Variants in MAML2 observed in about 807,000 individuals in gnomAD.
The protein encoded by MAML2 is mastermind-like protein 2.
MAML2 carries 22 observed loss-of-function variants against 96.1 expected under a neutral mutation model. That is an observed-to-expected ratio of 0.23 (90% CI 0.16 to 0.33). The LOEUF is 0.33. MAML2 is among the 10% of genes least tolerant of loss of function. The pLI is 1.00. For missense variants in MAML2, 1,367 were observed against 1,392.4 expected (o/e 0.98, Z 0.29); for synonymous variants, 561 against 521.3 (o/e 1.08, Z -1.04).
At chr11:96,006,870 T>TACACACACAC (rs1491217661) in intron 2 of MAML2, among the ~76,000 whole-genome samples, 3 of 109,806 alleles carry the variant, frequency 2.7e-5, no homozygotes, top group Admixed American at 9.9e-5. Flanking sequence ...AGGAATATCT[T>TACACACACAC]ATACACACAC....
intron 1 of MAML2, among the ~76,000 whole-genome samples, chr11:96,268,852 T>G (rs746100541): frequency 6.9e-6 from 1 of 145,038 alleles, no homozygotes; most frequent in Non-Finnish European, 1.5e-5. Context: ...TCCCTCACTA[T>G]GCAGAACTGT....
intron 2 of MAML2, among the ~76,000 whole-genome samples, chr11:96,040,533 G>A (rs1478800350): frequency 2.0e-5 from 3 of 152,156 alleles, no homozygotes; most frequent in Admixed American, 2.0e-4. Flanking sequence ...TTGGGAGGCC[G>A]AGGCGGGTGG....
rs147628813 is a variant in MAML2 at position 96,018,087 on chromosome 11, T to A, written c.2140-26364A>T. The stretch of plus-strand genomic sequence containing the variant: ...GGGCCAGAGTGGTAGCAGTGGGAAG[T>A]GGCTGGATTCCACATAGTCTCTGAC... On this transcript the variant is annotated intron_variant, in intron 2 of 4. Coordinates refer to ENST00000524717, the MANE Select transcript of MAML2 (RefSeq NM_032427.4). Among the ~76,000 whole-genome samples the A allele has an allele frequency of 9.8e-5, 15 of 152,304 alleles. 1 individual carries two copies. The East Asian group carries it at 2.9e-3, about 29-fold the overall frequency.
At chr11:96,188,183 G>A (rs1286852347) in intron 1 of MAML2, among the ~76,000 whole-genome samples, 1 of 152,214 alleles carries the variant, frequency 6.6e-6, no homozygotes, top group Non-Finnish European at 1.5e-5. Flanking sequence ...TTTGTGCTTT[G>A]AAACAAGCAC....
chr11:96,251,244 C>CTCATCCCTAGAATT (rs1482433838), intron 1 of MAML2, among the ~76,000 whole-genome samples: 5 of 152,204 alleles, frequency 3.3e-5, no homozygotes, highest in Non-Finnish European at 7.3e-5. Context: ...CATGAGGCCT[C>CTCATCCCTAGAATT]TCATCCCTAG....
At chr11:96,214,254 C>G (rs1030059537) in intron 1 of MAML2, among the ~76,000 whole-genome samples, 10 of 152,124 alleles carry the variant, frequency 6.6e-5, no homozygotes, top group African/African-American at 2.4e-4. Context: ...GAGGCCATGC[C>G]TAGGTTATTC....
intron 1 of MAML2, among the ~76,000 whole-genome samples, chr11:96,312,610 A>G (rs749308803): frequency 1.3e-5 from 2 of 152,260 alleles, no homozygotes; most frequent in African/African-American, 4.8e-5. Flanking sequence ...CCCTCTAGGA[A>G]GTATGAGGCA....
intron 1 of MAML2, among the ~76,000 whole-genome samples, chr11:96,239,136 A>G (rs1323865714): frequency 6.6e-6 from 1 of 152,236 alleles, no homozygotes; most frequent in African/African-American, 2.4e-5. Flanking sequence ...AAACTTTAAC[A>G]TGATGATACA....
chr11:96,274,160 G>A (rs1478423433), intron 1 of MAML2, among the ~76,000 whole-genome samples: 2 of 140,606 alleles, frequency 1.4e-5, no homozygotes, highest in Admixed American at 7.7e-5. Flanking sequence ...TTGGCTCACT[G>A]CAAGCTCCGC....
intron 1 of MAML2, among the ~76,000 whole-genome samples, chr11:96,150,541 C>G (rs1591041105): frequency 6.6e-6 from 1 of 152,128 alleles, no homozygotes; most frequent in Admixed American, 6.5e-5. Flanking sequence ...GACAGACAGC[C>G]TGGCAACTCT....
intron 1 of MAML2, among the ~76,000 whole-genome samples, chr11:96,174,535 C>T (rs1041084474): frequency 1.2e-4 from 18 of 152,200 alleles, no homozygotes; most frequent in Non-Finnish European, 2.4e-4. Context: ...AGGCACCCGC[C>T]GCCATGCCCA....
At chr11:96,248,872 C>T (rs1862546793) in intron 1 of MAML2, among the ~76,000 whole-genome samples, 1 of 152,152 alleles carries the variant, frequency 6.6e-6, no homozygotes, top group South Asian at 2.1e-4. Flanking sequence ...GCGCAACTAG[C>T]AGAAGCTAAT....
At chr11:96,220,258 A>G (rs1417082354) in intron 1 of MAML2, among the ~76,000 whole-genome samples, 3 of 151,996 alleles carry the variant, frequency 2.0e-5, no homozygotes, top group Non-Finnish European at 4.4e-5. Flanking sequence ...TAGGGTACAG[A>G]TTTCATTCTC....
intron 1 of MAML2, among the ~76,000 whole-genome samples, chr11:96,317,582 T>C (rs1338297078): frequency 6.6e-6 from 1 of 152,208 alleles, no homozygotes; most frequent in East Asian, 1.9e-4. Flanking sequence ...GTTACTAGTG[T>C]CCCTTCCCTC....
At chr11:96,265,924 C>T (rs1040897198) in intron 1 of MAML2, among the ~76,000 whole-genome samples, 1 of 152,218 alleles carries the variant, frequency 6.6e-6, no homozygotes, top group African/African-American at 2.4e-5. Context: ...TTCCACTACA[C>T]CAAAGCAAGC....
In MAML2 at chr11:96,093,061, G is replaced by C; in HGVS notation, c.970C>G (p.Leu324Val). The change falls in exon 2 of 5, where the codon CTT becomes GTT. Residue 324 changes from leucine (L) to valine (V), a missense_variant. By Grantham distance (32) the Leu-to-Val change is conservative. Transcript: ENST00000524717. ...GCATTGATCATGTTCTCCAGTTCAA[G>C]GTCACTCATGGGAGGCACAGATATG... Reference protein sequence around the residue: ...TNISVPPMSDLELENMINATI... With the variant: ...TNISVPPMSDVELENMINATI... 6.2e-6 allele frequency: 10 copies of C among 1,614,024 alleles called. No homozygotes were observed. Among genetic ancestry groups the C allele is most frequent in the Non-Finnish European group, 8.5e-6 (10 of 1,179,894 alleles).
intron 1 of MAML2, among the ~76,000 whole-genome samples, chr11:96,159,447 C>G (rs1221908417): frequency 1.2e-5 from 1 of 86,628 alleles, no homozygotes; most frequent in Non-Finnish European, 2.2e-5. Context: ...GAGTCTCGCT[C>G]TGTCACCCAG....
chr11:95,977,038 G>A lies in MAML2; in HGVS notation c.*1910C>T, dbSNP rs1472762298. 5.0e-6 allele frequency: 1 copy of A among 201,842 alleles called. No homozygotes were observed. The highest frequency in any genetic ancestry group is 1.0e-5 in the Non-Finnish European group (1 of 98,108). The allele number at this position is 201,842 out of a possible 1,614,324, so 12.5% of individuals were successfully genotyped here. On this transcript the variant is annotated 3_prime_UTR_variant, in exon 5 of 5. Coordinates refer to ENST00000524717, the MANE Select transcript of MAML2 (RefSeq NM_032427.4). ...TTGAAACCTGGAATGCTTTCTTATT[G>A]AGGTTTCAGAATATAAATTTGTCTA...
At chr11:96,000,823 A>C (rs1421202987) in intron 2 of MAML2, among the ~76,000 whole-genome samples, 1 of 152,234 alleles carries the variant, frequency 6.6e-6, no homozygotes, top group East Asian at 1.9e-4. Flanking sequence ...AAATCTGGGA[A>C]AATATATTAA....
Sources: gnomAD v4.1 joint callset for allele counts (sites outside exome capture counted in the v4.1 genomes callset) on GRCh38, gnomAD v4.1.1 for gene constraint, MANE v1.5 for transcripts, NCBI Gene and HGNC (gene_info 2026-07-23, HGNC 2026-07-21) for gene names.